The following CAPN7 variants were observed in gnomAD, a reference collection of about 807,000 sequenced individuals.
CAPN7 encodes calpain-7.
A neutral mutation model predicts 115.2 loss-of-function variants in CAPN7; 72 were observed. The ratio of observed to expected loss-of-function variants is 0.63; its 90% CI spans 0.52 to 0.76. The LOEUF is 0.76. Ranked by LOEUF, CAPN7 falls within the 30% of genes least tolerant of loss-of-function variation. CAPN7 has a pLI of 0.00. For synonymous variants in CAPN7, 344 were observed against 322.3 expected, an observed-to-expected ratio of 1.07 and a Z score of -0.72; for missense variants, 905 against 971.5, an observed-to-expected ratio of 0.93 and a Z score of 0.91.
Position 15,227,930 on chromosome 3 carries a change from ATG to A in CAPN7, c.818_819del (p.Met273AsnfsTer8). 6.5e-7 allele frequency: 1 copy of A among 1,549,334 alleles called. No homozygotes were observed. Among genetic ancestry groups the A allele is most frequent in the Non-Finnish European group, 8.7e-7 (1 of 1,148,028 alleles). On this transcript the variant is annotated frameshift_variant, in exon 7 of 21. Coordinates refer to ENST00000253693, the MANE Select transcript of CAPN7 (RefSeq NM_014296.3). LOFTEE classifies it high-confidence loss of function. ...RPEDLTNNPT[M>X]IYTVSSFSIK... is the part of the protein sequence containing the mutation. ...AGAAGACCTCACCAACAATCCTACA[ATG>A]ATATATACTGTGTCCAGTTTTAGCA...
Position 15,227,919 on chromosome 3 carries a change from A to G in CAPN7, c.806A>G (p.Asn269Ser), listed in dbSNP as rs200044345. ...SKWVRPEDLT[N>S]NPTMIYTVSS... ...TGGGTACGACCAGAAGACCTCACCA[A>G]CAATCCTACAATGATATATACTGTG... The change falls in exon 7 of 21, where the codon AAC becomes AGC. Residue 269 changes from asparagine (N) to serine (S), a missense_variant. Physicochemically the swap from Asn to Ser is conservative, Grantham distance 46 (BLOSUM62 1). Coordinates refer to ENST00000253693, the MANE Select transcript of CAPN7 (RefSeq NM_014296.3). 4.5e-6 allele frequency: 7 copies of G among 1,550,656 alleles called. No homozygotes were observed. Among genetic ancestry groups the G allele is most frequent in the East Asian group, 2.4e-5 (1 of 41,194 alleles).
At chr3:15,214,604 A>G (rs1405240092) in intron 2 of CAPN7, among the ~76,000 whole-genome samples, 1 of 152,172 alleles carries the variant, frequency 6.6e-6, no homozygotes, top group African/African-American at 2.4e-5. Flanking sequence ...CTGTAGTCCC[A>G]GCTCCTCAGA....
chr3:15,252,279 GAAATA>G lies in CAPN7; in HGVS notation c.*1024_*1028del, dbSNP rs1696036811. The G allele has an allele frequency of 6.6e-6, 1 of 152,460 alleles. No individual in the cohort carries two copies. The highest frequency in any genetic ancestry group is 6.6e-5 in the Admixed American group (1 of 15,260). The allele number at this position is 152,460 out of a possible 1,614,324, so 9.4% of individuals were successfully genotyped here. A position where few individuals can be genotyped will look rare whatever the true frequency, so the allele number is the denominator to read the frequency against. On this transcript the variant is annotated 3_prime_UTR_variant, in exon 21 of 21. Coordinates refer to ENST00000253693, the MANE Select transcript of CAPN7 (RefSeq NM_014296.3). ...TTTTGTATTGCTACTACCTTAAATTGAAATAAAATGTTTATACTTACGGATATTGC... is the reference window on the plus strand; with the variant it reads ...TTTTGTATTGCTACTACCTTAAATTGAAATGTTTATACTTACGGATATTGC...
intron 2 of CAPN7, among the ~76,000 whole-genome samples, chr3:15,215,959 A>C (rs1252051675): frequency 1.3e-5 from 2 of 152,104 alleles, no homozygotes; most frequent in African/African-American, 4.8e-5. Flanking sequence ...GATGGTGCAC[A>C]CATGTAGTCC....
intron 3 of CAPN7, among the ~76,000 whole-genome samples, 164 bp from the exon 4 acceptor site, chr3:15,218,309 C>G (rs1693761432): frequency 6.6e-6 from 1 of 152,174 alleles, no homozygotes; most frequent in Non-Finnish European, 1.5e-5. Context: ...ATTTTCAACA[C>G]TATTTTAAAT....
In CAPN7 at chr3:15,206,559, C is replaced by T. The variant is rs201749325; in HGVS notation, c.64C>T (p.His22Tyr). The part of the protein sequence containing the change: ...QFARLAVQRD[H>Y]EGRYSEAVFY... ...CGCCCGTCTGGCGGTTCAGCGCGACCACGAAGGCCGCTACTCCGAGGCGGT... is the reference window on the plus strand; with the variant it reads ...CGCCCGTCTGGCGGTTCAGCGCGACTACGAAGGCCGCTACTCCGAGGCGGT... The change falls in exon 1 of 21, where the codon CAC (histidine) becomes TAC (tyrosine). Residue 22 changes from histidine (H) to tyrosine (Y), a missense_variant. Around this residue, in one of 3 missense-constraint regions of CAPN7, gnomAD observed 271 missense variants for 239.6 expected, o/e 1.13. Transcript: ENST00000253693. 7 of 1,554,912 alleles carry T rather than the reference C, an allele frequency of 4.5e-6. No individual in the cohort carries two copies. The highest frequency in any genetic ancestry group is 6.1e-6 in the Non-Finnish European group (7 of 1,149,548).
At chr3:15,248,983 G>A (rs1372319436) in intron 19 of CAPN7, among the ~76,000 whole-genome samples, 3 of 123,022 alleles carry the variant, frequency 2.4e-5, no homozygotes, top group Non-Finnish European at 4.7e-5. Context: ...TTGACAGAGC[G>A]AGACCCTGTC....
chr3:15,212,644 T>G (rs1021373926), intron 2 of CAPN7, among the ~76,000 whole-genome samples: 2 of 152,140 alleles, frequency 1.3e-5, no homozygotes, highest in African/African-American at 4.8e-5. Flanking sequence ...TTCAGACCTT[T>G]GCTAAACTCT....
chr3:15,247,635 C>A (rs1349004691), intron 19 of CAPN7, among the ~76,000 whole-genome samples, 178 bp downstream of exon 19: 1 of 152,050 alleles, frequency 6.6e-6, no homozygotes, highest in Non-Finnish European at 1.5e-5. Context: ...AATTGAGTAT[C>A]CATGTGTAAA....
intron 1 of CAPN7, among the ~76,000 whole-genome samples, chr3:15,209,636 C>T (rs2044824604): frequency 6.6e-6 from 1 of 152,120 alleles, no homozygotes; most frequent in South Asian, 2.1e-4. Flanking sequence ...TTTCAGAATC[C>T]TTTTAGACTT....
At chr3:15,221,544 T>C (rs950578916) in intron 5 of CAPN7, among the ~76,000 whole-genome samples, 5 of 152,048 alleles carry the variant, frequency 3.3e-5, no homozygotes, top group African/African-American at 1.2e-4. Flanking sequence ...TAATACACTT[T>C]GCTGAAAATC....
rs374072238 is a variant in CAPN7 at position 15,233,922 on chromosome 3, C to T, written c.1235C>T (p.Ser412Leu). The T allele has an allele frequency of 1.2e-5, 20 of 1,606,800 alleles. No individual in the cohort carries two copies. The highest frequency in any genetic ancestry group is 1.7e-5 in the Non-Finnish European group (20 of 1,174,370). The change falls in exon 11 of 21, where the codon TCA (serine) becomes TTA (leucine). Residue 412 changes from serine (S) to leucine (L), a missense_variant. By Grantham distance (145) the Ser-to-Leu change is moderately radical. Coordinates refer to ENST00000253693, the MANE Select transcript of CAPN7 (RefSeq NM_014296.3). ...GWIPERIAMH[S>L]DSQTFSKDNS... ...ATACCAGAAAGAATTGCTATGCATT[C>T]AGATAGCCAAACTTTCAGTAAGGAT...
At chr3:15,210,092 C>A (rs2044845719) in intron 1 of CAPN7, among the ~76,000 whole-genome samples, 1 of 152,030 alleles carries the variant, frequency 6.6e-6, no homozygotes, top group Admixed American at 6.6e-5. Context: ...CCTCAAACTC[C>A]TGGGCTAAAA....
intron 5 of CAPN7, among the ~76,000 whole-genome samples, chr3:15,222,227 C>T (rs569789866): frequency 2.6e-5 from 4 of 152,192 alleles, no homozygotes; most frequent in South Asian, 2.1e-4. Context: ...ATGTAAAACA[C>T]GGCTACTCTG....
At chr3:15,222,184 C>T (rs767816794) in intron 5 of CAPN7, among the ~76,000 whole-genome samples, 38 of 151,882 alleles carry the variant, frequency 2.5e-4, no homozygotes, top group Non-Finnish European at 4.3e-4. Flanking sequence ...GGGGTTATAG[C>T]GTGTCTGAAA....
At chr3:15,220,545 G>C (rs1693916050) in intron 4 of CAPN7, among the ~76,000 whole-genome samples, 1 of 152,162 alleles carries the variant, frequency 6.6e-6, no homozygotes, top group Non-Finnish European at 1.5e-5. Flanking sequence ...ACCTTACCTT[G>C]TATGGTGTCT....
chr3:15,224,703 T>C (rs1472675086), intron 6 of CAPN7, among the ~76,000 whole-genome samples: 1 of 152,186 alleles, frequency 6.6e-6, no homozygotes, highest in African/African-American at 2.4e-5. Context: ...AGTACTTTTT[T>C]ATTTTTCAAA....
chr3:15,221,610 A>G (rs1361458786), intron 5 of CAPN7, among the ~76,000 whole-genome samples: 1 of 152,130 alleles, frequency 6.6e-6, no homozygotes, highest in African/African-American at 2.4e-5. Flanking sequence ...GAGCTGTAGC[A>G]GACCACTCTT....
intron 19 of CAPN7, among the ~76,000 whole-genome samples, chr3:15,248,976 A>G (rs1695834740): frequency 6.8e-6 from 1 of 147,936 alleles, no homozygotes; most frequent in South Asian, 2.2e-4. Flanking sequence ...AGCCTGGTTG[A>G]CAGAGCGAGA....
Sources: gnomAD v4.1 joint callset for allele counts (sites outside exome capture counted in the v4.1 genomes callset) on GRCh38, gnomAD v4.1.1 for gene constraint, gnomAD v4.1.1 regional missense constraint, MANE v1.5 for transcripts, NCBI Gene and HGNC (gene_info 2026-07-23, HGNC 2026-07-21) for gene names.